The following GSE1 variants were observed in gnomAD, a reference collection of about 807,000 sequenced individuals.
GSE1 encodes the protein Gse1 coiled-coil protein, also known as genetic suppressor element 1.
Under a neutral mutation model 112.6 loss-of-function variants are expected in GSE1, and 32 were observed. The ratio of observed to expected loss-of-function variants is 0.28; its 90% CI spans 0.21 to 0.38. The LOEUF (loss-of-function observed/expected upper bound fraction) is 0.38, where lower values mean the gene tolerates loss of function less well. Ranked by LOEUF, GSE1 falls within the 10% of genes least tolerant of loss-of-function variation. The pLI is 1.00. For synonymous variants in GSE1, 1,115 were observed against 735.6 expected, an observed-to-expected ratio of 1.52 and a Z score of -8.35; for missense variants, 2,348 against 1,699.2, an observed-to-expected ratio of 1.38 and a Z score of -6.71.
intron 2 of GSE1, among the ~76,000 whole-genome samples, chr16:85,496,266 G>C (rs2051174115): frequency 6.6e-6 from 1 of 152,228 alleles, no homozygotes; most frequent in Non-Finnish European, 1.5e-5. Context: ...CGTCGTCAGG[G>C]ATGAGCGATG....
chr16:85,566,629 C>T (rs971389150), intron 1 of GSE1, among the ~76,000 whole-genome samples: 8 of 152,232 alleles, frequency 5.3e-5, no homozygotes, highest in Non-Finnish European at 1.2e-4. Flanking sequence ...GCCCCGAGGC[C>T]GATGGCACCT....
chr16:85,292,030 G>A (rs190156730), intron 1 of GSE1, among the ~76,000 whole-genome samples: 7 of 152,094 alleles, frequency 4.6e-5, no homozygotes, highest in African/African-American at 1.4e-4. Flanking sequence ...GGGAGGTGCC[G>A]CCCCCCATAT....
intron 1 of GSE1, among the ~76,000 whole-genome samples, chr16:85,570,731 C>G (rs1047843617): frequency 6.6e-6 from 1 of 152,198 alleles, no homozygotes; most frequent in Non-Finnish European, 1.5e-5. Context: ...GTGCAACTGC[C>G]AGGGCAGTTC....
intron 1 of GSE1, among the ~76,000 whole-genome samples, chr16:85,221,235 G>A (rs76594497): frequency 6.6e-6 from 1 of 152,010 alleles, no homozygotes; most frequent in Non-Finnish European, 1.5e-5. Context: ...CGGGCTGTGC[G>A]AGGAGCCCCA....
chr16:85,285,881 A>G (rs2045009675), intron 1 of GSE1: 1 of 152,212 alleles, frequency 6.6e-6, no homozygotes, highest in Admixed American at 6.5e-5. Context: ...TCTGAACATC[A>G]CAAGGAACCA....
intron 1 of GSE1, among the ~76,000 whole-genome samples, chr16:85,178,478 G>A (rs2074513832): frequency 6.6e-6 from 1 of 152,044 alleles, no homozygotes; most frequent in South Asian, 2.1e-4. Flanking sequence ...CCAATGACAG[G>A]GCCCTGCCCC....
At chr16:85,656,687 G>T (rs1215446544) in intron 7 of GSE1, 22 bp downstream of exon 7, 38 of 1,478,014 alleles carry the variant, frequency 2.6e-5, no homozygotes, top group Non-Finnish European at 3.4e-5. Flanking sequence ...TGGGTGGGCT[G>T]TGCTGGGCAA....
Position 85,630,013 on chromosome 16 carries a change from T to C in GSE1, c.8-3901T>C, listed in dbSNP as rs1598448465. Among the ~76,000 whole-genome samples, 4 of 152,302 alleles carry C rather than the reference T, an allele frequency of 2.6e-5. No homozygotes were observed. The East Asian group carries it at 7.7e-4, about 29-fold the overall frequency. ...GTCTGTGATGAGCCTACTTGAGATG[T>C]TGGCTGGGGCTGCGGTCTCATCAGA... On this transcript the variant is annotated intron_variant, in intron 1 of 15. Coordinates refer to ENST00000253458, the MANE Select transcript of GSE1 (RefSeq NM_014615.5).
chr16:85,388,035 A>ATGGATGG (rs2047729462), intron 2 of GSE1, among the ~76,000 whole-genome samples: 1 of 21,388 alleles, frequency 4.7e-5, no homozygotes. Context: ...TGGATGGATG[A>ATGGATGG]ACAGATGGAT....
At chr16:85,502,907 T>C (rs902961704) in intron 2 of GSE1, among the ~76,000 whole-genome samples, 2 of 152,108 alleles carry the variant, frequency 1.3e-5, no homozygotes, top group Non-Finnish European at 2.9e-5. Context: ...AGGCCAGGGC[T>C]GGGTGCCCAC....
chr16:85,528,079 A>G (rs1291100025), intron 2 of GSE1, among the ~76,000 whole-genome samples: 1 of 152,214 alleles, frequency 6.6e-6, no homozygotes, highest in Admixed American at 6.5e-5. Context: ...CAGCTTGCAC[A>G]AACCCTGCAA....
At position 85,392,734 on chromosome 16, in the gene GSE1, C is replaced by G. The variant is rs112871825; in HGVS notation, c.2464+35091C>G. On this transcript the variant is annotated intron_variant, in intron 2 of 2. Transcript: ENST00000637419. ...AGGAAACTGAGAGCCAGCCGCATAT[C>G]ACAGCCAGGACTTGTGGAAGGGACT... Among the ~76,000 whole-genome samples the G allele has an allele frequency of 3.9e-5, 6 of 152,348 alleles. 1 individual carries two copies. Among genetic ancestry groups the G allele is most frequent in the African/African-American group, 1.4e-4 (6 of 41,588 alleles).
chr16:85,237,708 G>T (rs1324445067), intron 1 of GSE1, among the ~76,000 whole-genome samples: 20 of 151,974 alleles, frequency 1.3e-4, no homozygotes, highest in Admixed American at 1.3e-3. Context: ...GGTGGTGGCG[G>T]GCGCCTGTAG....
chr16:85,292,932 T>C (rs2045264667), intron 1 of GSE1, among the ~76,000 whole-genome samples: 1 of 152,246 alleles, frequency 6.6e-6, no homozygotes, highest in Admixed American at 6.5e-5. Flanking sequence ...TAAATTGCTT[T>C]ATTTTTTATT....
Position 85,671,044 on chromosome 16 carries a change from G to A in GSE1, c.3465G>A (p.Glu1155=), listed in dbSNP as rs150505620. The A allele has an allele frequency of 1.2e-6, 2 of 1,612,964 alleles. No individual in the cohort carries two copies. Among genetic ancestry groups the A allele is most frequent in the South Asian group, 1.1e-5 (1 of 91,060 alleles). The change falls in exon 15 of 16, where the codon GAG becomes GAA. Residue 1155 remains glutamate, a synonymous_variant. Coordinates refer to ENST00000253458, the MANE Select transcript of GSE1 (RefSeq NM_014615.5). ...TACAGACACAATGTAGACGACTGGA[G>A]GCCCGGCACTACAGCCTCAGCCTGA... ...QVLQTQCRRL[E]ARHYSLSLTA...
intron 1 of GSE1, among the ~76,000 whole-genome samples, chr16:85,243,545 C>G (rs1327055359): frequency 6.6e-6 from 1 of 152,174 alleles, no homozygotes; most frequent in South Asian, 2.1e-4. Flanking sequence ...TCCTGGAAGG[C>G]GGGGCTGGGA....
chr16:85,538,893 A>G (rs189448414), intron 2 of GSE1, among the ~76,000 whole-genome samples: 1 of 151,914 alleles, frequency 6.6e-6, no homozygotes, highest in East Asian at 1.9e-4. Flanking sequence ...CAGCCCCCAA[A>G]TCTCCCCCAC....
At chr16:85,441,000 A>G (rs2151780922) in intron 2 of GSE1, among the ~76,000 whole-genome samples, 2 of 152,360 alleles carry the variant, frequency 1.3e-5, no homozygotes, top group African/African-American at 4.8e-5. Context: ...CCGGGAGGCC[A>G]ACGCATATGC....
chr16:85,499,294 CCTTTTTTT>C (rs1485086005), intron 2 of GSE1, among the ~76,000 whole-genome samples: 3 of 118,912 alleles, frequency 2.5e-5, no homozygotes, highest in African/African-American at 6.5e-5. Context: ...AGGAAAGTCA[CCTTTTTTT>C]TTTTTTTTTT....
Sources: gnomAD v4.1 joint callset for allele counts (sites outside exome capture counted in the v4.1 genomes callset) on GRCh38, gnomAD v4.1.1 for gene constraint, MANE v1.5 for transcripts, NCBI Gene and HGNC (gene_info 2026-07-23, HGNC 2026-07-21) for gene names.